Variants in CYTH1 observed in about 807,000 individuals in gnomAD.
CYTH1 encodes cytohesin 1.
Under a neutral mutation model 61.8 loss-of-function variants are expected in CYTH1, and 18 were observed. That is an observed-to-expected ratio of 0.29 (90% CI 0.20 to 0.43). CYTH1 has a LOEUF of 0.43. Among genes scored for constraint, CYTH1 ranks in the 20% least tolerant of loss-of-function variants. The pLI, the probability that CYTH1 is intolerant of heterozygous loss-of-function variation, is 1.00. For missense variants in CYTH1, 336 were observed against 510.5 expected, an observed-to-expected ratio of 0.66 and a Z score of 3.29; for synonymous variants, 174 against 184.3, an observed-to-expected ratio of 0.94 and a Z score of 0.45.
intron 1 of CYTH1, among the ~76,000 whole-genome samples, chr17:78,710,700 T>C (rs567876941): frequency 2.6e-5 from 4 of 152,234 alleles, no homozygotes; most frequent in Non-Finnish European, 5.9e-5. Context: ...TTGATAAGGC[T>C]GCTGTGAAGA....
rs2093002395 is a variant in CYTH1 at position 78,700,934 on chromosome 17, C to T, written c.438-491G>A. ...AAAGTTGCCATCCACACCACTGTTA[C>T]CTTAATCAAAAGTAAAATTTTTCTT... On this transcript the variant is annotated intron_variant, in intron 6 of 13. Transcript: ENST00000446868. The surrounding 1 kb of genome is among the most constrained non-coding windows in gnomAD (Gnocchi z 5.1). Among the ~76,000 whole-genome samples, 1 of 152,128 alleles carries T rather than the reference C, an allele frequency of 6.6e-6. No individual in the cohort carries two copies. The highest frequency in any genetic ancestry group is 1.5e-5 in the Non-Finnish European group (1 of 68,030).
intron 1 of CYTH1, among the ~76,000 whole-genome samples, chr17:78,773,665 T>A (rs927709524): frequency 1.4e-4 from 22 of 152,058 alleles, no homozygotes; most frequent in Middle Eastern, 3.4e-3. Flanking sequence ...TTAAATTTTC[T>A]AAAAATCTAT....
intron 1 of CYTH1, among the ~76,000 whole-genome samples, chr17:78,734,132 C>T (rs2093308650): frequency 6.6e-6 from 1 of 151,930 alleles, no homozygotes; most frequent in Non-Finnish European, 1.5e-5. Flanking sequence ...CACCTGCAGT[C>T]CCAGCTACTC....
chr17:78,692,228 G>A (rs545903341), intron 11 of CYTH1, among the ~76,000 whole-genome samples, 189 bp downstream of exon 11: 2 of 152,184 alleles, frequency 1.3e-5, no homozygotes, highest in African/African-American at 4.8e-5. Context: ...TTTAAGGCAC[G>A]CACCTCTTCT....
chr17:78,727,594 A>T, intron 1 of CYTH1: 2 of 452,988 alleles, frequency 4.4e-6, no homozygotes, highest in Non-Finnish European at 9.3e-6. Flanking sequence ...GAAGGAGCTG[A>T]CTAGGGCACC....
At chr17:78,752,433 A>G (rs1436067611) in intron 1 of CYTH1, among the ~76,000 whole-genome samples, 1 of 151,974 alleles carries the variant, frequency 6.6e-6, no homozygotes, top group Non-Finnish European at 1.5e-5. Flanking sequence ...CAGACAGGAC[A>G]GAGAACTTCT....
At chr17:78,679,501 A>C (rs1243476151) in intron 13 of CYTH1, among the ~76,000 whole-genome samples, 2 of 151,866 alleles carry the variant, frequency 1.3e-5, no homozygotes, top group African/African-American at 2.4e-5. Context: ...AGCCAGGCAG[A>C]CCAAGTCCCA....
intron 11 of CYTH1, among the ~76,000 whole-genome samples, chr17:78,684,159 G>GC (rs904543184): frequency 5.3e-5 from 8 of 152,162 alleles, no homozygotes; most frequent in Non-Finnish European, 8.8e-5. Flanking sequence ...ATCCTTCCTG[G>GC]CCCCCCCTCT....
chr17:78,764,198 C>CTTTT (rs534021959), intron 1 of CYTH1, among the ~76,000 whole-genome samples: 6 of 140,500 alleles, frequency 4.3e-5, no homozygotes, highest in African/African-American at 1.6e-4. Context: ...ATCTAAATGT[C>CTTTT]TTTTTTTTTT....
intron 1 of CYTH1, among the ~76,000 whole-genome samples, chr17:78,725,378 T>G (rs2093260683): frequency 6.6e-6 from 1 of 152,204 alleles, no homozygotes; most frequent in Admixed American, 6.5e-5. Context: ...ACGCTGGTTA[T>G]CTACCACCAT....
chr17:78,692,349 G>T, intron 11 of CYTH1, 68 bp downstream of exon 11: 1 of 1,504,624 alleles, frequency 6.6e-7, no homozygotes, highest in Non-Finnish European at 9.3e-7. Context: ...AACCATGTCT[G>T]ATTAGAGACA....
At chr17:78,710,647 G>C (rs187303544) in intron 1 of CYTH1, among the ~76,000 whole-genome samples, 1 of 152,244 alleles carries the variant, frequency 6.6e-6, no homozygotes, top group African/African-American at 2.4e-5. Flanking sequence ...AACCCACTTG[G>C]GTCACATTTC....
chr17:78,752,582 G>A lies in CYTH1; in HGVS notation c.22+29620C>T, dbSNP rs773757445. 9.6e-4 allele frequency among the ~76,000 whole-genome samples: 146 copies of A among 152,028 alleles called. 1 individual carries two copies. The highest frequency in any genetic ancestry group is 8.8e-5 in the Non-Finnish European group (6 of 68,000). On this transcript the variant is annotated intron_variant, in intron 1 of 13. Transcript: ENST00000446868. ...CGAGTAACTGAGACTACAGGTGCGCGCCACCACGCACAGCTAATTTTTGTA... is the reference window on the plus strand; with the variant it reads ...CGAGTAACTGAGACTACAGGTGCGCACCACCACGCACAGCTAATTTTTGTA...
At chr17:78,730,802 C>T (rs1373835680) in intron 1 of CYTH1, among the ~76,000 whole-genome samples, 2 of 151,672 alleles carry the variant, frequency 1.3e-5, no homozygotes, top group Admixed American at 1.3e-4. Context: ...GTGGCTGGGA[C>T]TACAGGCGCC....
At chr17:78,707,570 A>G (rs541066748) in intron 3 of CYTH1, among the ~76,000 whole-genome samples, 2 of 152,354 alleles carry the variant, frequency 1.3e-5, no homozygotes, top group Middle Eastern at 3.4e-3. Flanking sequence ...ACACAAAGGA[A>G]AAACAGAAAC....
intron 1 of CYTH1, chr17:78,727,871 A>G: frequency 2.8e-6 from 1 of 359,234 alleles, no homozygotes; most frequent in Non-Finnish European, 5.7e-6. Flanking sequence ...GGGGCAGCCA[A>G]GGAGAGCAGT....
At chr17:78,758,656 G>A (rs777926607) in intron 1 of CYTH1, among the ~76,000 whole-genome samples, 3 of 151,838 alleles carry the variant, frequency 2.0e-5, no homozygotes, top group East Asian at 1.9e-4. Flanking sequence ...GCAGTGGGCC[G>A]AGATTGCACC....
chr17:78,702,802 C>T (rs1457869455), intron 3 of CYTH1, among the ~76,000 whole-genome samples, 198 bp from the exon 4 acceptor site: 26 of 152,152 alleles, frequency 1.7e-4, no homozygotes, highest in Admixed American at 1.5e-3. Flanking sequence ...CTCATTTGCT[C>T]CTTCTACCCT....
chr17:78,675,926 C>A lies in CYTH1; in HGVS notation c.*165G>T. The A allele has an allele frequency of 6.5e-7, 1 of 1,544,994 alleles. No homozygotes were observed. The highest frequency in any genetic ancestry group is 8.7e-7 in the Non-Finnish European group (1 of 1,144,194). ...TCTCTTCCCCAGTGATAACTGCCCACCCTTCTCCCACTTAAAAAAAATAGC... is the reference window on the plus strand; with the variant it reads ...TCTCTTCCCCAGTGATAACTGCCCAACCTTCTCCCACTTAAAAAAAATAGC... On this transcript the variant is annotated 3_prime_UTR_variant, in exon 14 of 14. Transcript: ENST00000446868.
Sources: allele counts gnomAD v4.1 joint callset (sites outside exome capture counted in the v4.1 genomes callset), GRCh38; gene constraint gnomAD v4.1.1; non-coding constraint Gnocchi (gnomAD v3.1); transcripts MANE v1.5; gene names NCBI Gene and HGNC (gene_info 2026-07-23, HGNC 2026-07-21).